Variants in SGK1 observed in about 807,000 individuals in gnomAD.
SGK1 encodes serum/glucocorticoid regulated kinase 1.
SGK1 carries 26 observed loss-of-function variants against 64.2 expected under a neutral mutation model. The observed-to-expected ratio is 0.40, with a 90% CI of 0.30 to 0.56. The LOEUF is 0.56. Ranked by LOEUF, SGK1 falls within the 20% of genes least tolerant of loss-of-function variation. The pLI, the probability that SGK1 is intolerant of heterozygous loss-of-function variation, is 0.38. For synonymous variants in SGK1, 265 were observed against 239.7 expected (o/e 1.11, Z -0.98); for missense variants, 519 against 645.6 (o/e 0.80, Z 2.12).
intron 1 of SGK1, among the ~76,000 whole-genome samples, chr6:134,300,411 G>C (rs1208668570): frequency 6.6e-6 from 1 of 151,192 alleles, no homozygotes; most frequent in Non-Finnish European, 1.5e-5. Context: ...TGTGGCGGGC[G>C]CCTGTAGTCC....
chr6:134,242,214 G>A (rs879422791), intron 2 of SGK1, among the ~76,000 whole-genome samples: 13 of 152,042 alleles, frequency 8.6e-5, no homozygotes, highest in African/African-American at 2.2e-4. Context: ...GGCTGGGCGC[G>A]GTGGCTCACG....
At chr6:134,206,366 TA>T (rs1562250324) in intron 3 of SGK1, among the ~76,000 whole-genome samples, 410 of 8,286 alleles carry the variant, frequency 0.049, 1 homozygote, top group Non-Finnish European at 0.081. Flanking sequence ...TATATATATA[TA>T]TATATATATA....
rs544925129 is a variant in SGK1, at chr6:134,174,815, G to A, written c.362-229C>T. On this transcript the variant is annotated intron_variant, in intron 3 of 13. Coordinates refer to ENST00000367858, the MANE Select transcript of SGK1 (RefSeq NM_001143676.3). Reference sequence around the variant, plus strand: ...CTCAGTTTTCACCGTCATCACCACCGCGGGGAGACAGAAAGACGTTAGCGC... The same window carrying A: ...CTCAGTTTTCACCGTCATCACCACCACGGGGAGACAGAAAGACGTTAGCGC... 39 of 1,614,022 alleles carry A rather than the reference G, an allele frequency of 2.4e-5. No homozygotes were observed. In the South Asian group the frequency reaches 4.0e-4, roughly 16 times the overall value.
chr6:134,301,248 T>C (rs968655295), intron 1 of SGK1, among the ~76,000 whole-genome samples: 2 of 152,026 alleles, frequency 1.3e-5, no homozygotes, highest in African/African-American at 4.8e-5. Flanking sequence ...TGAACCTGTG[T>C]GTGGAGGAGG....
At chr6:134,263,230 C>T (rs992397693) in intron 1 of SGK1, among the ~76,000 whole-genome samples, 3 of 152,072 alleles carry the variant, frequency 2.0e-5, no homozygotes, top group Non-Finnish European at 4.4e-5. Flanking sequence ...TAAGCAAATA[C>T]ATATTCACTA....
intron 2 of SGK1, among the ~76,000 whole-genome samples, chr6:134,209,550 A>G (rs1251455303): frequency 6.6e-6 from 1 of 152,212 alleles, no homozygotes; most frequent in Non-Finnish European, 1.5e-5. Context: ...TGATTACTGC[A>G]AATATTCTAT....
chr6:134,227,782 C>T (rs560007382), intron 2 of SGK1, among the ~76,000 whole-genome samples: 2 of 152,090 alleles, frequency 1.3e-5, no homozygotes, highest in South Asian at 2.1e-4. Flanking sequence ...CAAATACGCA[C>T]GTACTAAAAG....
intron 1 of SGK1, among the ~76,000 whole-genome samples, chr6:134,278,599 T>A (rs577183540): frequency 6.6e-6 from 1 of 152,326 alleles, no homozygotes; most frequent in East Asian, 1.9e-4. Context: ...GGTTTCTATT[T>A]CTGTATTCTA....
At chr6:134,247,906 C>A (rs188508854) in intron 2 of SGK1, among the ~76,000 whole-genome samples, 1 of 152,074 alleles carries the variant, frequency 6.6e-6, no homozygotes, top group Non-Finnish European at 1.5e-5. Context: ...TTCATAATAA[C>A]CATTACCAAT....
intron 2 of SGK1, among the ~76,000 whole-genome samples, chr6:134,208,896 G>GTGTA (rs140253811): frequency 0.022 from 3,312 of 147,418 alleles, 114 homozygotes; most frequent in African/African-American, 0.077. Context: ...GTATGTGTGT[G>GTGTA]TATATATATA....
chr6:134,199,573 A>G (rs941290616), intron 3 of SGK1, among the ~76,000 whole-genome samples: 1 of 151,164 alleles, frequency 6.6e-6, no homozygotes, highest in African/African-American at 2.4e-5. Context: ...AAAAAAAAAA[A>G]AAAAGAAAGA....
chr6:134,247,546 C>T (rs1286709239), intron 2 of SGK1, among the ~76,000 whole-genome samples: 1 of 152,174 alleles, frequency 6.6e-6, no homozygotes, highest in Non-Finnish European at 1.5e-5. Context: ...AGGAAATAAA[C>T]CCTATGAGTT....
chr6:134,316,922 T>C (rs1487240328), intron 1 of SGK1, among the ~76,000 whole-genome samples: 1 of 152,104 alleles, frequency 6.6e-6, no homozygotes, highest in Non-Finnish European at 1.5e-5. Flanking sequence ...CTGAATGGAT[T>C]TGGGAAACCA....
At chr6:134,280,701 T>A (rs115478414) in intron 1 of SGK1, among the ~76,000 whole-genome samples, 1,528 of 152,300 alleles carry the variant, frequency 0.01, 31 homozygotes, top group African/African-American at 0.035. Context: ...CTTGCATGCA[T>A]GACACTGTTC....
chr6:134,174,406 C>T, intron 4 of SGK1, 105 bp downstream of exon 4: 1 of 757,934 alleles, frequency 1.3e-6, no homozygotes, highest in Non-Finnish European at 2.2e-6. Context: ...GAGATCCCCA[C>T]CCCAGAAGAA....
chr6:134,206,968 G>C (rs1033417137), intron 3 of SGK1, among the ~76,000 whole-genome samples: 34 of 152,088 alleles, frequency 2.2e-4, no homozygotes, highest in African/African-American at 8.2e-4. Context: ...GCTCACGCCT[G>C]TAATCCCAGC....
rs999528661 is a variant in SGK1 at position 134,172,732 on chromosome 6, G to A, written c.877C>T (p.Arg293Trp). 4 of 1,614,110 alleles carry A rather than the reference G, an allele frequency of 2.5e-6. No homozygotes were observed. The highest frequency in any genetic ancestry group is 3.4e-6 in the Non-Finnish European group (4 of 1,179,954). The change falls in exon 9 of 14, where the codon CGG (arginine) becomes TGG (tryptophan). Residue 293 changes from arginine (R) to tryptophan (W), a missense_variant. Physicochemically the swap from Arg to Trp is moderately radical, Grantham distance 101. This residue lies in a region of SGK1 where 278 missense variants were observed against 408.7 expected (regional missense o/e 0.68). Coordinates refer to ENST00000367858, the MANE Select transcript of SGK1 (RefSeq NM_001143676.3). ...LQRERCFLEPRARFYAAEIAS... is the reference protein window; with the variant it reads ...LQRERCFLEPWARFYAAEIAS... Reference sequence around the variant, plus strand: ...ATTTCAGCAGCATAGAAACGAGCCCGTGGTTCCAGGAAGCAGCGTTCCCTC... The same window carrying A: ...ATTTCAGCAGCATAGAAACGAGCCCATGGTTCCAGGAAGCAGCGTTCCCTC...
intron 1 of SGK1, among the ~76,000 whole-genome samples, chr6:134,287,588 T>C (rs993804208): frequency 4.6e-5 from 7 of 151,504 alleles, no homozygotes; most frequent in African/African-American, 1.7e-4. Flanking sequence ...ATTTGGTTTT[T>C]TATATTTAAT....
intron 3 of SGK1, among the ~76,000 whole-genome samples, chr6:134,205,648 G>A (rs939463462): frequency 6.6e-6 from 1 of 152,188 alleles, no homozygotes; most frequent in Non-Finnish European, 1.5e-5. Flanking sequence ...TTCTGGCTGC[G>A]AGCTTTGGAT....
Sources: allele counts gnomAD v4.1 joint callset (sites outside exome capture counted in the v4.1 genomes callset), GRCh38; gene constraint gnomAD v4.1.1; regional missense constraint gnomAD v4.1.1; transcripts MANE v1.5; gene names NCBI Gene and HGNC (gene_info 2026-07-23, HGNC 2026-07-21).